MGAT5B: variants seen among roughly 807,000 people sequenced by gnomAD.
MGAT5B encodes the protein alpha-1,6-mannosylglycoprotein 6-beta-N-acetylglucosaminyltransferase B.
MGAT5B carries 54 observed loss-of-function variants against 95.1 expected under a neutral mutation model. The ratio of observed to expected loss-of-function variants is 0.57; its 90% CI spans 0.46 to 0.71. The LOEUF (loss-of-function observed/expected upper bound fraction) is 0.71. Among genes scored for constraint, MGAT5B ranks in the 30% least tolerant of loss-of-function variants. The probability of loss-of-function intolerance (pLI) is 0.00; values close to 1 mark genes in which losing one functional copy is unlikely to be tolerated. For missense variants in MGAT5B, 935 were observed against 1,088.6 expected (o/e 0.86, Z 1.99); for synonymous variants, 464 against 451.0 (o/e 1.03, Z -0.36).
rs1018631413 is a variant in MGAT5B, at chr17:76,873,091, G to C, written c.181+128G>C. 108 of 1,033,322 alleles carry C rather than the reference G, an allele frequency of 1.0e-4. 1 individual carries two copies. Among genetic ancestry groups the C allele is most frequent in the Middle Eastern group, 3.1e-4 (1 of 3,214 alleles). 64.0% of individuals were successfully genotyped at this position (1,033,322 alleles called of 1,614,324 possible). On this transcript the variant is annotated intron_variant, in intron 2 of 17. Transcript: ENST00000569840. ...CTGTAGGTGGATGTGAGTGGAGGGG[G>C]CCTGGGCTTGGGCCGTATGACCCTC...
chr17:76,933,249 GTCTC>G (rs761140377), intron 11 of MGAT5B, 39 bp from the exon 12 acceptor site: 2 of 1,597,974 alleles, frequency 1.3e-6, no homozygotes, highest in Non-Finnish European at 1.7e-6. Context: ...CTAACCTGCT[GTCTC>G]TCTCTCTGTT....
chr17:76,891,084 C>T (rs1342450540), intron 3 of MGAT5B, among the ~76,000 whole-genome samples: 2 of 151,620 alleles, frequency 1.3e-5, no homozygotes, highest in African/African-American at 4.9e-5. Context: ...CCTGCCTCAG[C>T]CTCCTGAGTA....
At position 76,948,057 on chromosome 17, in the gene MGAT5B, C is replaced by T; in HGVS notation, c.2151C>T (p.Pro717=). The T allele has an allele frequency of 6.2e-7, 1 of 1,610,630 alleles. No homozygotes were observed. Among genetic ancestry groups the T allele is most frequent in the Non-Finnish European group, 8.5e-7 (1 of 1,178,252 alleles). ...TAATCTGTGAGCCCTCCTTCTTCCC[C>T]TTCCTGAACAGCCAGGACGCCTTCC... is the stretch of plus-strand genomic sequence containing the variant. ...HGLICEPSFF[P]FLNSQDAFLK... is the part of the protein sequence containing the mutation. The change falls in exon 17 of 18, where the codon CCC becomes CCT. Residue 717 remains proline (P), a synonymous_variant. Transcript: ENST00000569840.
chr17:76,869,068 A>G lies in MGAT5B; in HGVS notation c.39A>G (p.Arg13=). The G allele has an allele frequency of 6.2e-7, 1 of 1,614,106 alleles. No individual in the cohort carries two copies. Among genetic ancestry groups the G allele is most frequent in the Non-Finnish European group, 8.5e-7 (1 of 1,179,974 alleles). Residue 13 remains arginine (R), a synonymous_variant, in exon 1 of 18, where the codon AGA becomes AGG. Coordinates refer to ENST00000569840, the MANE Select transcript of MGAT5B (RefSeq NM_001199172.2). This position sits in a 1 kb window ranked among gnomAD's most constrained non-coding sequence, Gnocchi z 7.0. The part of the protein sequence containing the change: ...TVNPDGKIMV[R]RCLVTLRPFR... Reference sequence around the variant, plus strand: ...ACCCCGATGGGAAGATAATGGTCAGAAGATGCCTGGTCACCCTGAGACCCT... The same window carrying G: ...ACCCCGATGGGAAGATAATGGTCAGGAGATGCCTGGTCACCCTGAGACCCT...
In MGAT5B at chr17:76,879,544, C is replaced by T. The variant is rs527672; in HGVS notation, c.182-2607C>T. Among the ~76,000 whole-genome samples the T allele has an allele frequency of 9.2e-5, 14 of 151,860 alleles. No individual in the cohort carries two copies. The East Asian group carries it at 2.0e-3, about 21-fold the overall frequency. ...CCACCAGGGCTGCCCAGTGAGGCCACGCAGGCTGTGCGCTGCACGACTCCA... is the reference window on the plus strand; with the variant it reads ...CCACCAGGGCTGCCCAGTGAGGCCATGCAGGCTGTGCGCTGCACGACTCCA... On this transcript the variant is annotated intron_variant, in intron 2 of 17. Coordinates refer to ENST00000569840, the MANE Select transcript of MGAT5B (RefSeq NM_001199172.2).
chr17:76,932,089 C>CA (rs1196450335), intron 10 of MGAT5B, among the ~76,000 whole-genome samples: 4 of 141,318 alleles, frequency 2.8e-5, no homozygotes, highest in South Asian at 5.1e-4. Flanking sequence ...TCCTCCTCCC[C>CA]CCCCCCTTCT....
At chr17:76,890,961 CTTTTTTTTTTTTTTTT>C (rs150133278) in intron 3 of MGAT5B, among the ~76,000 whole-genome samples, 6 of 111,648 alleles carry the variant, frequency 5.4e-5, no homozygotes, top group Non-Finnish European at 8.7e-5. Context: ...CTCTGGGGGC[CTTTTTTTTTTTTTTTT>C]TTTTGGAGAC....
intron 16 of MGAT5B, among the ~76,000 whole-genome samples, chr17:76,947,371 G>C (rs1970063739): frequency 6.6e-6 from 1 of 152,194 alleles, no homozygotes; most frequent in African/African-American, 2.4e-5. Flanking sequence ...ACCCAGGACT[G>C]GACCCAGACT....
rs761373328 is a variant in MGAT5B at position 76,868,996 on chromosome 17, C to T, written c.-34C>T. ...GGGCCCAGGACGGTGCGTCCGGCCT[C>T]GCCCGCGGCTGCTCGCACCAACAAG... On this transcript the variant is annotated 5_prime_UTR_variant, in exon 1 of 18. Coordinates refer to ENST00000569840, the MANE Select transcript of MGAT5B (RefSeq NM_001199172.2). The surrounding 1 kb of genome is among the most constrained non-coding windows in gnomAD (Gnocchi z 6.3). 6.2e-6 allele frequency: 10 copies of T among 1,609,528 alleles called. No individual in the cohort carries two copies. The East Asian group carries it at 1.6e-4, about 25-fold the overall frequency.
chr17:76,892,194 T>A (rs891201255), intron 3 of MGAT5B, among the ~76,000 whole-genome samples: 6 of 152,182 alleles, frequency 3.9e-5, no homozygotes, highest in Non-Finnish European at 8.8e-5. Flanking sequence ...ACCACAGGCA[T>A]GTGCCACCAC....
At position 76,924,999 on chromosome 17, in the gene MGAT5B, C is replaced by T. The variant is rs1195988543; in HGVS notation, c.1059C>T (p.Cys353=). The change falls in exon 9 of 18, where the codon TGC becomes TGT. Residue 353 remains cysteine, a synonymous_variant. Transcript: ENST00000569840. ...GGGTACCGCCAGGCCGGGGAAGCTG[C>T]CCGCTCACCATGCCCCTGCCCTTCG... ...NLGVPPGRGS[C]PLTMPLPFDL... 1.2e-6 allele frequency: 2 copies of T among 1,611,936 alleles called. No homozygotes were observed. Among genetic ancestry groups the T allele is most frequent in the African/African-American group, 1.3e-5 (1 of 74,780 alleles).
Position 76,904,324 on chromosome 17 carries a change from C to T in MGAT5B, c.592C>T (p.Leu198Phe). ...FGVDGTECSFLIYLSEVEWFC... is the reference protein window; with the variant it reads ...FGVDGTECSFFIYLSEVEWFC... ...GGTGGACGGCACCGAGTGCTCCTTC[C>T]TCATCTACCTCAGTGAGGTCGAGTG... Residue 198 changes from leucine (L) to phenylalanine (F), a missense_variant, in exon 6 of 18, where the codon CTC (leucine) becomes TTC (phenylalanine). By Grantham distance (22) the Leu-to-Phe change is conservative (BLOSUM62 0). This residue lies in a region of MGAT5B where 243 missense variants were observed against 305.5 expected (regional missense o/e 0.80). Coordinates refer to ENST00000569840, the MANE Select transcript of MGAT5B (RefSeq NM_001199172.2). 1 of 1,607,898 alleles carries T rather than the reference C, an allele frequency of 6.2e-7. No homozygotes were observed. The highest frequency in any genetic ancestry group is 1.3e-5 in the African/African-American group (1 of 75,006).
Position 76,940,834 on chromosome 17 carries a change from A to G in MGAT5B, c.1834A>G (p.Ile612Val). ...GGAGTTTGAAGCAGCCATCAAGGCC[A>G]TTATGAGAACTCAGGTGAGAGCAGC... ...SEEFEAAIKA[I>V]MRTQVDPYLP... Residue 612 changes from isoleucine (I) to valine (V), a missense_variant, in exon 15 of 18, where the codon ATT (isoleucine) becomes GTT (valine). By Grantham distance (29) the Ile-to-Val change is conservative. Around this residue, in one of 4 missense-constraint regions of MGAT5B, gnomAD observed 440 missense variants for 523.6 expected, o/e 0.84. Transcript: ENST00000569840. This position sits in a 1 kb window ranked among gnomAD's most constrained non-coding sequence, Gnocchi z 4.3. 1 of 1,613,948 alleles carries G rather than the reference A, an allele frequency of 6.2e-7. No individual in the cohort carries two copies. The highest frequency in any genetic ancestry group is 8.5e-7 in the Non-Finnish European group (1 of 1,179,878).
At chr17:76,895,316 A>G (rs1968027470) in intron 3 of MGAT5B, among the ~76,000 whole-genome samples, 1 of 152,042 alleles carries the variant, frequency 6.6e-6, no homozygotes. Context: ...GGTGAGTTGT[A>G]TAATTATTTC....
chr17:76,946,121 C>G (rs1201003639), intron 15 of MGAT5B: 1 of 422,668 alleles, frequency 2.4e-6, no homozygotes, highest in Non-Finnish European at 4.2e-6. Context: ...GGGACAGGGA[C>G]CTGGGAGGGG....
chr17:76,900,835 G>T (rs547688321), intron 3 of MGAT5B, among the ~76,000 whole-genome samples: 1 of 152,336 alleles, frequency 6.6e-6, no homozygotes, highest in South Asian at 2.1e-4. Flanking sequence ...CTTGGGCACT[G>T]AACTAGAGTG....
chr17:76,947,595 C>T (rs1465249078), intron 16 of MGAT5B, among the ~76,000 whole-genome samples: 2 of 152,196 alleles, frequency 1.3e-5, no homozygotes, highest in East Asian at 3.9e-4. Flanking sequence ...TGCCATCCAA[C>T]CCCAAGGCCC....
rs1211857252 is a variant in MGAT5B, at chr17:76,950,312, C to T, written c.*1474C>T. On this transcript the variant is annotated 3_prime_UTR_variant, in exon 18 of 18. Transcript: ENST00000569840. ...AACCTGTGGGGGAAAGCAATAGAGA[C>T]ACTCTTTTTCTCTCTTTTTTTTAAA... is the stretch of plus-strand genomic sequence containing the variant. The T allele has an allele frequency of 8.0e-6, 1 of 125,682 alleles. No homozygotes were observed. The highest frequency in any genetic ancestry group is 1.7e-5 in the Non-Finnish European group (1 of 59,326). 7.8% of individuals were successfully genotyped at this position (125,682 alleles called of 1,614,324 possible).
intron 15 of MGAT5B, among the ~76,000 whole-genome samples, chr17:76,943,750 T>C (rs938130701): frequency 1.3e-5 from 2 of 151,976 alleles, no homozygotes. Context: ...CTAATAATTC[T>C]ATTTTAGAAA....
Sources: gnomAD v4.1 joint callset for allele counts (sites outside exome capture counted in the v4.1 genomes callset) on GRCh38, gnomAD v4.1.1 for gene constraint, gnomAD v4.1.1 regional missense constraint, Gnocchi (gnomAD v3.1) non-coding constraint, MANE v1.5 for transcripts, NCBI Gene and HGNC (gene_info 2026-07-23, HGNC 2026-07-21) for gene names.